Variants in CADPS observed in about 807,000 individuals in gnomAD.
CADPS encodes calcium dependent secretion activator, also known as calcium-dependent secretion activator 1.
Under a neutral mutation model 167.3 loss-of-function variants are expected in CADPS, and 57 were observed. That is an observed-to-expected ratio of 0.34 (90% CI 0.28 to 0.42). The LOEUF is 0.42. CADPS is among the 20% of genes least tolerant of loss of function. The pLI, the probability that CADPS is intolerant of heterozygous loss-of-function variation, is 1.00. For missense variants in CADPS, 1,414 were observed against 1,738.1 expected (o/e 0.81, Z 3.32); for synonymous variants, 676 against 635.3 (o/e 1.06, Z -0.96).
chr3:62,474,949 A>C (rs1227117637), intron 23 of CADPS, among the ~76,000 whole-genome samples: 1 of 152,136 alleles, frequency 6.6e-6, no homozygotes, highest in African/African-American at 2.4e-5. Flanking sequence ...GAGGGGAGGG[A>C]AATTAGGAGG....
intron 1 of CADPS, among the ~76,000 whole-genome samples, chr3:62,871,704 A>G (rs1002283099): frequency 2.0e-5 from 3 of 152,144 alleles, no homozygotes; most frequent in Admixed American, 6.5e-5. Flanking sequence ...TTAAGAACAG[A>G]AAAAAATAAC....
chr3:62,724,973 G>C (rs545977765), intron 3 of CADPS, among the ~76,000 whole-genome samples: 23 of 152,312 alleles, frequency 1.5e-4, no homozygotes, highest in African/African-American at 4.6e-4. Context: ...ATGTCTGACT[G>C]TAGTGAGAGT....
At chr3:62,845,139 C>T (rs1345642991) in intron 1 of CADPS, among the ~76,000 whole-genome samples, 1 of 152,130 alleles carries the variant, frequency 6.6e-6, no homozygotes. Context: ...TCAACTATTC[C>T]ACACTTTTCA....
chr3:62,793,465 C>A (rs998423704), intron 1 of CADPS, among the ~76,000 whole-genome samples: 7 of 152,156 alleles, frequency 4.6e-5, no homozygotes, highest in Non-Finnish European at 8.8e-5. Flanking sequence ...GCAGATCACT[C>A]CATTAAGCAT....
chr3:62,583,781 T>C (rs973047564), intron 8 of CADPS, among the ~76,000 whole-genome samples: 6 of 150,826 alleles, frequency 4.0e-5, no homozygotes, highest in Non-Finnish European at 8.9e-5. Flanking sequence ...CCTTGGGCTT[T>C]TTTTGCTTCC....
chr3:62,778,344 T>C (rs2090820921), intron 1 of CADPS, among the ~76,000 whole-genome samples: 1 of 152,252 alleles, frequency 6.6e-6, no homozygotes, highest in South Asian at 2.1e-4. Flanking sequence ...AATTTCATTT[T>C]TTAGTAAGTC....
chr3:62,818,683 A>G (rs2094743908), intron 1 of CADPS, among the ~76,000 whole-genome samples: 1 of 152,222 alleles, frequency 6.6e-6, no homozygotes, highest in Non-Finnish European at 1.5e-5. Context: ...CTAGCTATTT[A>G]CCTGAGACAT....
chr3:62,853,317 T>C (rs1397337370), intron 1 of CADPS, among the ~76,000 whole-genome samples: 1 of 152,080 alleles, frequency 6.6e-6, no homozygotes, highest in African/African-American at 2.4e-5. Flanking sequence ...AAGAATATAG[T>C]GATATTCTTG....
At chr3:62,836,289 A>T (rs539493971) in intron 1 of CADPS, among the ~76,000 whole-genome samples, 2 of 152,318 alleles carry the variant, frequency 1.3e-5, no homozygotes, top group East Asian at 3.9e-4. Flanking sequence ...CAAAAACCTA[A>T]GCTAAAATAT....
intron 3 of CADPS, among the ~76,000 whole-genome samples, chr3:62,742,440 T>C (rs1382542100): frequency 2.0e-5 from 3 of 152,074 alleles, no homozygotes; most frequent in Non-Finnish European, 4.4e-5. Flanking sequence ...CAAAGATGAA[T>C]GGAACAGAAT....
intron 26 of CADPS, among the ~76,000 whole-genome samples, chr3:62,449,190 G>C (rs1434632980): frequency 6.6e-6 from 1 of 152,228 alleles, no homozygotes; most frequent in Non-Finnish European, 1.5e-5. Flanking sequence ...CCAGGAACTG[G>C]CCATTTCTGG....
At chr3:62,659,295 C>T (rs2072559391) in intron 4 of CADPS, among the ~76,000 whole-genome samples, 1 of 152,104 alleles carries the variant, frequency 6.6e-6, no homozygotes, top group African/African-American at 2.4e-5. Flanking sequence ...CTTAATATCT[C>T]TTCATGAACT....
intron 13 of CADPS, among the ~76,000 whole-genome samples, chr3:62,530,382 A>G (rs1484512262): frequency 6.6e-6 from 1 of 152,170 alleles, no homozygotes; most frequent in African/African-American, 2.4e-5. Flanking sequence ...AAGCAATCTG[A>G]CTCACAATTC....
At chr3:62,574,037 A>G (rs1415623808) in intron 8 of CADPS, among the ~76,000 whole-genome samples, 1 of 152,210 alleles carries the variant, frequency 6.6e-6, no homozygotes, top group Non-Finnish European at 1.5e-5. Flanking sequence ...AAAACATGTA[A>G]TCCATTGCCA....
chr3:62,605,800 T>G (rs2060617376), intron 6 of CADPS, among the ~76,000 whole-genome samples: 1 of 152,232 alleles, frequency 6.6e-6, no homozygotes, highest in Non-Finnish European at 1.5e-5. Context: ...TGATAATTAT[T>G]CAGTGACATC....
chr3:62,748,206 C>T (rs1224590767), intron 3 of CADPS, among the ~76,000 whole-genome samples: 1 of 144,402 alleles, frequency 6.9e-6, no homozygotes, highest in East Asian at 2.0e-4. Context: ...ATTAGCCGGG[C>T]ATGGTGGCAG....
chr3:62,523,929 G>A (rs1181312893), intron 13 of CADPS, among the ~76,000 whole-genome samples: 1 of 152,182 alleles, frequency 6.6e-6, no homozygotes, highest in Non-Finnish European at 1.5e-5. Flanking sequence ...AAACAAGCAT[G>A]ATAACTGAAT....
At chr3:62,528,741 A>C (rs1269023960) in intron 13 of CADPS, among the ~76,000 whole-genome samples, 4 of 152,242 alleles carry the variant, frequency 2.6e-5, no homozygotes, top group Admixed American at 2.6e-4. Flanking sequence ...GATGTAGTGC[A>C]AAAGGAAAGA....
At chr3:62,551,686 T>C (rs1025461817) in intron 10 of CADPS, among the ~76,000 whole-genome samples, 14 of 152,174 alleles carry the variant, frequency 9.2e-5, no homozygotes, top group Non-Finnish European at 1.5e-5. Flanking sequence ...TCTCCCTCTA[T>C]GCACACATGT....
Sources: allele counts gnomAD v4.1 joint callset (sites outside exome capture counted in the v4.1 genomes callset), GRCh38; gene constraint gnomAD v4.1.1; transcripts MANE v1.5; gene names NCBI Gene and HGNC (gene_info 2026-07-23, HGNC 2026-07-21).